The following PAG1 variants were observed in gnomAD, a reference collection of about 807,000 sequenced individuals.
PAG1 encodes the protein phosphoprotein associated with glycosphingolipid-enriched microdomains 1.
In PAG1, 23 loss-of-function variants were observed where a neutral mutation model predicts 31.7. The ratio of observed to expected loss-of-function variants is 0.73; its 90% CI spans 0.52 to 1.03. The LOEUF (loss-of-function observed/expected upper bound fraction) is 1.03, where lower values mean the gene tolerates loss of function less well. PAG1 is among the 50% of genes least tolerant of loss of function. PAG1 has a pLI of 0.00. For missense variants in PAG1, 473 were observed against 540.7 expected (o/e 0.87, Z 1.24); for synonymous variants, 214 against 210.3 (o/e 1.02, Z -0.15).
chr8:81,027,426 A>G (rs1263624592), intron 3 of PAG1, among the ~76,000 whole-genome samples: 1 of 152,234 alleles, frequency 6.6e-6, no homozygotes, highest in Non-Finnish European at 1.5e-5. Flanking sequence ...ATCATGTCAC[A>G]AGTGGTGGAG....
chr8:81,095,420 C>A (rs1001763353), intron 1 of PAG1, among the ~76,000 whole-genome samples: 1 of 152,184 alleles, frequency 6.6e-6, no homozygotes, highest in Non-Finnish European at 1.5e-5. Flanking sequence ...TGAGTACAGG[C>A]ACCCAACCTC....
At chr8:81,067,549 A>G (rs959072004) in intron 2 of PAG1, 2 of 152,258 alleles carry the variant, frequency 1.3e-5, no homozygotes, top group Non-Finnish European at 2.9e-5. Flanking sequence ...CTGATTTAAA[A>G]AATAAAGCTA....
intron 4 of PAG1, 132 bp downstream of exon 4, chr8:80,992,971 T>TA (rs1251584625): frequency 1.4e-6 from 1 of 695,624 alleles, no homozygotes; most frequent in African/African-American, 1.8e-5. Context: ...AGAAGAGAGT[T>TA]AAAGCTAATG....
At chr8:81,014,152 G>A (rs1483051520) in intron 3 of PAG1, among the ~76,000 whole-genome samples, 2 of 152,174 alleles carry the variant, frequency 1.3e-5, no homozygotes, top group Non-Finnish European at 2.9e-5. Flanking sequence ...CCCCCTAAAA[G>A]ATATTATGTG....
At chr8:81,092,614 A>T (rs1012820442) in intron 1 of PAG1, among the ~76,000 whole-genome samples, 16 of 152,240 alleles carry the variant, frequency 1.1e-4, no homozygotes, top group African/African-American at 3.9e-4. Context: ...ATCCCTCGTC[A>T]TGGAACTAAT....
intron 2 of PAG1, among the ~76,000 whole-genome samples, chr8:81,047,903 A>G (rs1184980824): frequency 6.6e-6 from 1 of 152,240 alleles, no homozygotes; most frequent in Non-Finnish European, 1.5e-5. Context: ...ATGCAAATAT[A>G]TGAAAACCAT....
chr8:81,052,954 ATATT>A (rs1389463532), intron 2 of PAG1, among the ~76,000 whole-genome samples: 1 of 152,232 alleles, frequency 6.6e-6, no homozygotes, highest in East Asian at 1.9e-4. Context: ...CAATGAGCGG[ATATT>A]TATTATCCCC....
At chr8:81,014,275 T>C (rs1808035441) in intron 3 of PAG1, among the ~76,000 whole-genome samples, 1 of 152,364 alleles carries the variant, frequency 6.6e-6, no homozygotes, top group East Asian at 1.9e-4. Flanking sequence ...TTCTCAGGCA[T>C]GCAAAGATAG....
chr8:81,068,622 T>A (rs1809046143), intron 2 of PAG1, among the ~76,000 whole-genome samples: 1 of 152,252 alleles, frequency 6.6e-6, no homozygotes, highest in Admixed American at 6.5e-5. Flanking sequence ...GTGTCAGAGA[T>A]ATATTCATTT....
At chr8:81,029,417 T>A (rs1009552815) in intron 3 of PAG1, among the ~76,000 whole-genome samples, 1 of 151,762 alleles carries the variant, frequency 6.6e-6, no homozygotes, top group African/African-American at 2.4e-5. Flanking sequence ...ATTAAAGATA[T>A]GATTTCCAAA....
At chr8:80,984,074 G>T (rs1807363990) in intron 7 of PAG1, among the ~76,000 whole-genome samples, 1 of 152,110 alleles carries the variant, frequency 6.6e-6, no homozygotes, top group Non-Finnish European at 1.5e-5. Flanking sequence ...TTTCTGTGTA[G>T]AAAACAGAAA....
chr8:81,107,698 C>A (rs920303906), intron 1 of PAG1, among the ~76,000 whole-genome samples: 1 of 152,234 alleles, frequency 6.6e-6, no homozygotes, highest in Non-Finnish European at 1.5e-5. Flanking sequence ...AGAAAGATAA[C>A]CAGTAAGGAC....
Position 80,974,352 on chromosome 8 carries a change from T to C in PAG1, c.*2192A>G, listed in dbSNP as rs1207234401. ...AGAACCCCATCATGTGAGAGATCGC[T>C]CAAAGTCATTAACACAAAGCAGTGA... On this transcript the variant is annotated 3_prime_UTR_variant, in exon 9 of 9. Coordinates refer to ENST00000220597, the MANE Select transcript of PAG1 (RefSeq NM_018440.4). 6.6e-6 allele frequency: 1 copy of C among 152,122 alleles called. No homozygotes were observed. Among genetic ancestry groups the C allele is most frequent in the African/African-American group, 2.4e-5 (1 of 41,406 alleles). 9.4% of individuals were successfully genotyped at this position (152,122 alleles called of 1,614,324 possible). A position where few individuals can be genotyped will look rare whatever the true frequency, so the allele number is the denominator to read the frequency against.
chr8:81,097,710 T>TAA (rs35355222), intron 1 of PAG1, among the ~76,000 whole-genome samples: 37 of 145,398 alleles, frequency 2.5e-4, no homozygotes, highest in Middle Eastern at 7.1e-3. Flanking sequence ...TTAAGAACTT[T>TAA]AAAAAAAAAA....
chr8:81,011,673 T>A (rs1347306380), intron 3 of PAG1, among the ~76,000 whole-genome samples: 1 of 152,238 alleles, frequency 6.6e-6, no homozygotes, highest in African/African-American at 2.4e-5. Flanking sequence ...TCTTTAAGGT[T>A]GTAACTACTG....
intron 3 of PAG1, among the ~76,000 whole-genome samples, chr8:81,010,588 T>C (rs974390769): frequency 6.6e-6 from 1 of 152,210 alleles, no homozygotes; most frequent in African/African-American, 2.4e-5. Flanking sequence ...CATTTCTCTA[T>C]CCACTTGCAA....
chr8:81,050,821 C>A (rs2130875337), intron 2 of PAG1, among the ~76,000 whole-genome samples: 1 of 152,284 alleles, frequency 6.6e-6, no homozygotes, highest in Non-Finnish European at 1.5e-5. Context: ...ATTCCTGCTG[C>A]ATGAGCTGGC....
chr8:80,979,266 G>A (rs750825676), intron 8 of PAG1, among the ~76,000 whole-genome samples: 10 of 152,156 alleles, frequency 6.6e-5, no homozygotes, highest in Admixed American at 2.0e-4. Flanking sequence ...TGTCCCAGAT[G>A]GGATCACTTT....
intron 2 of PAG1, among the ~76,000 whole-genome samples, chr8:81,033,689 G>A (rs369139118): frequency 8.5e-5 from 13 of 152,188 alleles, no homozygotes; most frequent in East Asian, 7.7e-4. Context: ...TTCATAAGAA[G>A]GCCCAAGCAA....
Sources: allele counts gnomAD v4.1 joint callset (sites outside exome capture counted in the v4.1 genomes callset), GRCh38; gene constraint gnomAD v4.1.1; transcripts MANE v1.5; gene names NCBI Gene and HGNC (gene_info 2026-07-23, HGNC 2026-07-21).